ITCH: variants seen among roughly 807,000 people sequenced by gnomAD.
ITCH encodes the protein E3 ubiquitin-protein ligase Itchy homolog.
Under a neutral mutation model 126.8 loss-of-function variants are expected in ITCH, and 28 were observed. The ratio of observed to expected loss-of-function variants is 0.22; its 90% confidence interval spans 0.16 to 0.30. The LOEUF (loss-of-function observed/expected upper bound fraction) is 0.30, where lower values mean the gene tolerates loss of function less well. Among genes scored for constraint, ITCH ranks in the 10% least tolerant of loss-of-function variants. The probability of loss-of-function intolerance (pLI) is 1.00; values close to 1 mark genes in which losing one functional copy is unlikely to be tolerated. For synonymous variants in ITCH, 342 were observed against 340.0 expected, an observed-to-expected ratio of 1.01 and a Z score of -0.06; for missense variants, 631 against 1,032.4, an observed-to-expected ratio of 0.61 and a Z score of 5.33.
intron 3 of ITCH, among the ~76,000 whole-genome samples, chr20:34,400,216 C>T (rs1433395474): frequency 6.6e-6 from 1 of 152,062 alleles, no homozygotes; most frequent in African/African-American, 2.4e-5. Context: ...GAATTATAGG[C>T]GTGAGCCACT....
At chr20:34,404,180 G>T (rs2038975345) in intron 3 of ITCH, among the ~76,000 whole-genome samples, 1 of 151,904 alleles carries the variant, frequency 6.6e-6, no homozygotes, top group African/African-American at 2.4e-5. Context: ...CATTTTTCTG[G>T]TCCTTTTTCT....
chr20:34,401,498 A>G (rs1201210916), intron 3 of ITCH: 1 of 214,298 alleles, frequency 4.7e-6, no homozygotes. Context: ...GCTTCCACCT[A>G]CTTTCACAAG....
chr20:34,374,338 G>A (rs2037753972), intron 2 of ITCH, among the ~76,000 whole-genome samples: 1 of 152,118 alleles, frequency 6.6e-6, no homozygotes, highest in African/African-American at 2.4e-5. Flanking sequence ...GGTTGATTTT[G>A]AATTTTGACT....
At chr20:34,478,869 T>C (rs1476423436) in intron 17 of ITCH, among the ~76,000 whole-genome samples, 1 of 152,184 alleles carries the variant, frequency 6.6e-6, no homozygotes, top group Admixed American at 6.5e-5. Context: ...CATTCATTCC[T>C]AATAAGAAAA....
intron 24 of ITCH, among the ~76,000 whole-genome samples, chr20:34,507,290 G>GTTTTTTTTTTTTTT (rs372382674): frequency 1.4e-5 from 1 of 70,006 alleles, no homozygotes; most frequent in Non-Finnish European, 2.7e-5. Flanking sequence ...TTTTTTTTTT[G>GTTTTTTTTTTTTTT]GTTGTTGTTG....
chr20:34,444,182 C>T (rs948204392), intron 10 of ITCH, among the ~76,000 whole-genome samples: 10 of 152,266 alleles, frequency 6.6e-5, no homozygotes, highest in South Asian at 2.1e-4. Flanking sequence ...TGAAGTCATT[C>T]GATTCATTTA....
intron 6 of ITCH, among the ~76,000 whole-genome samples, chr20:34,417,438 T>C (rs1378909817): frequency 1.4e-5 from 2 of 145,842 alleles, no homozygotes; most frequent in African/African-American, 2.5e-5. Flanking sequence ...TCGCTCTTGT[T>C]GCCCAGGCTG....
intron 23 of ITCH, 131 bp from the exon 24 acceptor site, chr20:34,504,200 A>C (rs979826743): frequency 8.2e-6 from 6 of 733,134 alleles, no homozygotes; most frequent in Non-Finnish European, 1.5e-5. Flanking sequence ...TGAATTAGTA[A>C]GATGATGTGT....
intron 12 of ITCH, 50 bp from the exon 13 acceptor site, chr20:34,457,340 C>T (rs749657473): frequency 1.9e-5 from 22 of 1,168,772 alleles, no homozygotes; most frequent in Non-Finnish European, 2.2e-5. Flanking sequence ...AGCAAGAAGA[C>T]TATGCCAATG....
intron 6 of ITCH, among the ~76,000 whole-genome samples, chr20:34,418,910 C>T (rs1427666351): frequency 4.6e-5 from 7 of 151,714 alleles, no homozygotes; most frequent in African/African-American, 1.5e-4. Context: ...TACAGGCAAG[C>T]GCCACCACGC....
intron 2 of ITCH, among the ~76,000 whole-genome samples, chr20:34,391,081 A>G (rs563243220): frequency 1.3e-5 from 2 of 152,216 alleles, no homozygotes; most frequent in Non-Finnish European, 2.9e-5. Context: ...CCATGTATGC[A>G]GTTGTAAATA....
chr20:34,472,387 A>AG (rs1987724489), intron 16 of ITCH, among the ~76,000 whole-genome samples: 1 of 134,162 alleles, frequency 7.5e-6, no homozygotes, highest in Admixed American at 7.4e-5. Context: ...AAAAAAAAAA[A>AG]AAAAAAAAAA....
intron 6 of ITCH, among the ~76,000 whole-genome samples, chr20:34,416,698 A>G (rs1484400649): frequency 1.3e-5 from 2 of 152,182 alleles, no homozygotes; most frequent in Non-Finnish European, 2.9e-5. Context: ...CAAGTGAAAC[A>G]AAGTGTACTT....
intron 14 of ITCH, among the ~76,000 whole-genome samples, chr20:34,467,434 T>C (rs995923818): frequency 6.7e-6 from 1 of 149,376 alleles, no homozygotes; most frequent in African/African-American, 2.5e-5. Flanking sequence ...GAGGGTGAGA[T>C]GGGAAGATTG....
At chr20:34,401,836 A>G (rs184585473) in intron 3 of ITCH, among the ~76,000 whole-genome samples, 4 of 152,290 alleles carry the variant, frequency 2.6e-5, no homozygotes, top group African/African-American at 7.2e-5. Context: ...TTAGTCTGTT[A>G]CAGAGTCATC....
chr20:34,417,139 C>A, intron 6 of ITCH: 2 of 681,994 alleles, frequency 2.9e-6, no homozygotes, highest in South Asian at 1.5e-5. Context: ...TCTGTTTGCC[C>A]AGGCTGGAGT....
intron 8 of ITCH, 114 bp from the exon 9 acceptor site, chr20:34,440,041 C>T: frequency 1.4e-6 from 1 of 740,500 alleles, no homozygotes; most frequent in Non-Finnish European, 2.3e-6. Flanking sequence ...ACCTGTGCAT[C>T]TACATCTTAA....
At chr20:34,381,716 G>A (rs1046510151) in intron 2 of ITCH, among the ~76,000 whole-genome samples, 1 of 151,914 alleles carries the variant, frequency 6.6e-6, no homozygotes, top group African/African-American at 2.4e-5. Flanking sequence ...GTGAGCGACC[G>A]CGCCTGGCGT....
intron 3 of ITCH, among the ~76,000 whole-genome samples, chr20:34,405,876 G>C (rs954977246): frequency 2.0e-5 from 3 of 151,346 alleles, no homozygotes; most frequent in African/African-American, 7.3e-5. Context: ...CTCCCGCCTG[G>C]GTCTCCCAAA....
Sources: allele counts gnomAD v4.1 joint callset (sites outside exome capture counted in the v4.1 genomes callset), GRCh38; gene constraint gnomAD v4.1.1; transcripts MANE v1.5; gene names NCBI Gene and HGNC (gene_info 2026-07-23, HGNC 2026-07-21).